UBTD1: variants seen among roughly 807,000 people sequenced by gnomAD.
The protein encoded by UBTD1 is ubiquitin domain-containing protein 1.
Under a neutral mutation model 21.7 loss-of-function variants are expected in UBTD1, and 19 were observed. That is an observed-to-expected ratio of 0.87 (90% CI 0.61 to 1.28). The LOEUF (loss-of-function observed/expected upper bound fraction) is 1.28, where lower values mean the gene tolerates loss of function less well. Among genes scored for constraint, UBTD1 ranks in the 50% most tolerant of loss-of-function variants. The probability of loss-of-function intolerance (pLI) is 0.00; values close to 1 mark genes in which losing one functional copy is unlikely to be tolerated. For missense variants in UBTD1, 282 were observed against 315.1 expected (o/e 0.89, Z 0.80); for synonymous variants, 116 against 135.1 (o/e 0.86, Z 0.98).
intron 1 of UBTD1, among the ~76,000 whole-genome samples, chr10:97,502,829 G>A (rs1351681926): frequency 6.8e-6 from 1 of 148,008 alleles, no homozygotes; most frequent in African/African-American, 2.5e-5. Context: ...ATATGTGTGT[G>A]TGTGCGTATG....
intron 1 of UBTD1, among the ~76,000 whole-genome samples, chr10:97,506,597 C>T (rs992668417): frequency 1.3e-5 from 2 of 152,050 alleles, no homozygotes; most frequent in Non-Finnish European, 2.9e-5. Context: ...ACAACCATCC[C>T]AGTACCCATC....
chr10:97,505,821 A>T (rs2040396540), intron 1 of UBTD1, among the ~76,000 whole-genome samples: 1 of 152,234 alleles, frequency 6.6e-6, no homozygotes, highest in South Asian at 2.1e-4. Flanking sequence ...AGTTTCTATT[A>T]TTCCAAGCTA....
chr10:97,532,448 C>T (rs2040536328), intron 1 of UBTD1, among the ~76,000 whole-genome samples: 2 of 151,484 alleles, frequency 1.3e-5, no homozygotes, highest in African/African-American at 4.9e-5. Context: ...GAGTTCAAGA[C>T]CAGCCTGACC....
intron 1 of UBTD1, among the ~76,000 whole-genome samples, chr10:97,542,469 G>A (rs1202358901): frequency 1.3e-5 from 2 of 152,328 alleles, no homozygotes; most frequent in African/African-American, 4.8e-5. Context: ...CCTTGTCTTG[G>A]AGCTGCTCAT....
At position 97,570,585 on chromosome 10, in the gene UBTD1, G is replaced by T; in HGVS notation, c.*62G>T. The T allele has an allele frequency of 6.6e-7, 1 of 1,518,734 alleles. No homozygotes were observed. The highest frequency in any genetic ancestry group is 1.3e-5 in the South Asian group (1 of 79,272). 94.1% of individuals were successfully genotyped at this position (1,518,734 alleles called of 1,614,324 possible). On this transcript the variant is annotated 3_prime_UTR_variant, in exon 3 of 3. Transcript: ENST00000370664. This position sits in a 1 kb window ranked among gnomAD's most constrained non-coding sequence, Gnocchi z 6.6. ...AGCACTAGGCCCCCACCCTGCTGCT[G>T]CCTTCCAGTGCTGTCATTTTCTTCA...
At chr10:97,523,519 C>A (rs1040874756) in intron 1 of UBTD1, among the ~76,000 whole-genome samples, 1 of 152,080 alleles carries the variant, frequency 6.6e-6, no homozygotes, top group African/African-American at 2.4e-5. Context: ...TCCTCCTGGT[C>A]TTTGCAGCCT....
At chr10:97,535,125 C>CA (rs1309086874) in intron 1 of UBTD1, among the ~76,000 whole-genome samples, 1 of 152,176 alleles carries the variant, frequency 6.6e-6, no homozygotes, top group Non-Finnish European at 1.5e-5. Context: ...CCATATCTCT[C>CA]ACCTCCTCTG....
At chr10:97,529,110 C>A (rs2040511699) in intron 1 of UBTD1, among the ~76,000 whole-genome samples, 1 of 151,716 alleles carries the variant, frequency 6.6e-6, no homozygotes. Context: ...CCGAGGCACT[C>A]CTCACATCCC....
chr10:97,535,121 C>T (rs1293058420), intron 1 of UBTD1, among the ~76,000 whole-genome samples: 3 of 152,148 alleles, frequency 2.0e-5, no homozygotes, highest in East Asian at 3.9e-4. Flanking sequence ...CTGGCCATAT[C>T]TCTCACCTCC....
intron 1 of UBTD1, among the ~76,000 whole-genome samples, chr10:97,551,948 G>T (rs1333206639): frequency 1.3e-5 from 2 of 151,768 alleles, no homozygotes. Flanking sequence ...TTACTCTGTC[G>T]CCCAGTCTGG....
chr10:97,534,353 C>T (rs1381683144), intron 1 of UBTD1, among the ~76,000 whole-genome samples: 2 of 152,188 alleles, frequency 1.3e-5, no homozygotes, highest in African/African-American at 4.8e-5. Flanking sequence ...GTTTGTGGTA[C>T]AATTCGCACA....
chr10:97,528,229 T>C (rs1740426256), intron 1 of UBTD1, among the ~76,000 whole-genome samples: 1 of 102,644 alleles, frequency 9.7e-6, no homozygotes, highest in Non-Finnish European at 2.1e-5. Flanking sequence ...GAGGGGCTCC[T>C]CACTTCCCAG....
intron 1 of UBTD1, among the ~76,000 whole-genome samples, chr10:97,536,232 TC>T (rs1248776974): frequency 3.9e-5 from 6 of 151,994 alleles, no homozygotes; most frequent in Admixed American, 3.3e-4. Flanking sequence ...CCTCATGTGA[TC>T]CATCCGCCTC....
chr10:97,500,115 C>G (rs2040351010), intron 1 of UBTD1, among the ~76,000 whole-genome samples: 2 of 152,204 alleles, frequency 1.3e-5, no homozygotes, highest in South Asian at 4.1e-4. Context: ...CAGATGGACC[C>G]ATCTCCTACT....
At chr10:97,501,736 T>C (rs2040377308) in intron 1 of UBTD1, among the ~76,000 whole-genome samples, 1 of 152,208 alleles carries the variant, frequency 6.6e-6, no homozygotes. Context: ...TTCTCTGACA[T>C]TAAGACCACC....
intron 1 of UBTD1, among the ~76,000 whole-genome samples, chr10:97,527,760 G>T (rs1430497027): frequency 6.6e-6 from 1 of 152,120 alleles, no homozygotes; most frequent in South Asian, 2.1e-4. Context: ...GAGAGCACAG[G>T]GTTGGGGGTA....
chr10:97,522,728 T>C (rs2040471471), intron 1 of UBTD1, among the ~76,000 whole-genome samples: 1 of 152,196 alleles, frequency 6.6e-6, no homozygotes, highest in Non-Finnish European at 1.5e-5. Context: ...TCTCTTTAGA[T>C]TGTACCTGGC....
intron 1 of UBTD1, among the ~76,000 whole-genome samples, chr10:97,518,181 A>G (rs888026343): frequency 2.0e-5 from 3 of 152,138 alleles, no homozygotes; most frequent in Non-Finnish European, 2.9e-5. Flanking sequence ...ATGGTGGCAG[A>G]GACTGGAATA....
At chr10:97,502,845 A>G (rs1200714293) in intron 1 of UBTD1, among the ~76,000 whole-genome samples, 1 of 147,298 alleles carries the variant, frequency 6.8e-6, no homozygotes, top group African/African-American at 2.6e-5. Flanking sequence ...GTATGTGTGT[A>G]TACATATATA....
Sources: allele counts gnomAD v4.1 joint callset (sites outside exome capture counted in the v4.1 genomes callset), GRCh38; gene constraint gnomAD v4.1.1; non-coding constraint Gnocchi (gnomAD v3.1); transcripts MANE v1.5; gene names NCBI Gene and HGNC (gene_info 2026-07-23, HGNC 2026-07-21).